Variants in CPNE4 observed in about 807,000 individuals in gnomAD.
CPNE4 encodes copine-4.
In CPNE4, 25 loss-of-function variants were observed where a neutral mutation model predicts 67.9. The observed-to-expected ratio is 0.37, with a 90% confidence interval of 0.27 to 0.51. CPNE4 has a LOEUF of 0.51. CPNE4 is among the 20% of genes least tolerant of loss of function. The probability of loss-of-function intolerance (pLI) is 0.93; values close to 1 mark genes in which losing one functional copy is unlikely to be tolerated. For synonymous variants in CPNE4, 242 were observed against 244.9 expected (o/e 0.99, Z 0.11); for missense variants, 464 against 690.8 (o/e 0.67, Z 3.68).
chr3:131,829,838 T>C (rs2085301940), intron 2 of CPNE4, among the ~76,000 whole-genome samples: 1 of 152,170 alleles, frequency 6.6e-6, no homozygotes, highest in Non-Finnish European at 1.5e-5. Flanking sequence ...ATCAGGACTG[T>C]TTACTAGCAG....
At chr3:131,665,700 AAG>A (rs1351857981) in intron 7 of CPNE4, among the ~76,000 whole-genome samples, 1 of 151,470 alleles carries the variant, frequency 6.6e-6, no homozygotes, top group African/African-American at 2.4e-5. Flanking sequence ...ACAGAAAGAA[AAG>A]AGAAAAAGAA....
intron 5 of CPNE4, among the ~76,000 whole-genome samples, chr3:131,693,578 C>G (rs1341268670): frequency 6.6e-6 from 1 of 152,204 alleles, no homozygotes; most frequent in East Asian, 1.9e-4. Flanking sequence ...CATCATGCAG[C>G]CTCTGGAAAA....
chr3:132,001,612 AAAG>A (rs1489053411), intron 1 of CPNE4, among the ~76,000 whole-genome samples: 2 of 146,460 alleles, frequency 1.4e-5, no homozygotes, highest in Non-Finnish European at 3.0e-5. Context: ...AGAAAGAAAG[AAAG>A]AAAATGAAGA....
At chr3:132,012,858 T>C (rs190086072) in intron 1 of CPNE4, among the ~76,000 whole-genome samples, 25 of 152,302 alleles carry the variant, frequency 1.6e-4, no homozygotes, top group Admixed American at 1.5e-3. Flanking sequence ...TGGTCTCCTT[T>C]ACATTTCTTC....
At chr3:131,974,208 T>A (rs1337642535) in intron 1 of CPNE4, among the ~76,000 whole-genome samples, 4 of 152,236 alleles carry the variant, frequency 2.6e-5, no homozygotes, top group Non-Finnish European at 2.9e-5. Context: ...CTTTTTTCTC[T>A]CCCTGGAAGA....
intron 1 of CPNE4, among the ~76,000 whole-genome samples, chr3:131,987,050 G>C (rs1009970815): frequency 6.6e-6 from 1 of 152,192 alleles, no homozygotes; most frequent in African/African-American, 2.4e-5. Context: ...GCAGCCAGCA[G>C]TGAGAATGAA....
intron 1 of CPNE4, among the ~76,000 whole-genome samples, chr3:131,941,647 A>G (rs2071392354): frequency 6.6e-6 from 1 of 152,142 alleles, no homozygotes; most frequent in African/African-American, 2.4e-5. Context: ...GTGATTCAAT[A>G]AAAGGCTAAA....
chr3:131,713,073 T>C (rs1583063457), intron 3 of CPNE4, among the ~76,000 whole-genome samples: 1 of 151,588 alleles, frequency 6.6e-6, no homozygotes, highest in Non-Finnish European at 1.5e-5. Context: ...GGGGGCTGGG[T>C]GCCCTGCACC....
intron 2 of CPNE4, among the ~76,000 whole-genome samples, chr3:131,851,753 C>T (rs2107645682): frequency 6.6e-6 from 1 of 152,182 alleles, no homozygotes; most frequent in East Asian, 1.9e-4. Context: ...GTTTCTATTC[C>T]TGGCTTTCCC....
chr3:131,648,966 C>T (rs372878668), intron 7 of CPNE4, among the ~76,000 whole-genome samples: 2 of 152,176 alleles, frequency 1.3e-5, no homozygotes, highest in African/African-American at 4.8e-5. Flanking sequence ...AAATGGCCTC[C>T]AGCAAGGCAA....
intron 2 of CPNE4, among the ~76,000 whole-genome samples, chr3:131,865,738 G>A (rs188242437): frequency 2.5e-4 from 38 of 152,328 alleles, no homozygotes; most frequent in Non-Finnish European, 5.0e-4. Context: ...AATTTAGCAC[G>A]TGTACAAGTT....
intron 7 of CPNE4, among the ~76,000 whole-genome samples, chr3:131,615,546 T>C (rs920759267): frequency 1.2e-4 from 18 of 151,820 alleles, no homozygotes; most frequent in Admixed American, 4.6e-4. Flanking sequence ...AATAATAGAG[T>C]GGTATAGAAT....
intron 7 of CPNE4, among the ~76,000 whole-genome samples, chr3:131,588,436 G>A (rs1938323019): frequency 6.6e-6 from 1 of 152,136 alleles, no homozygotes; most frequent in Admixed American, 6.6e-5. Context: ...AGATTTGCAG[G>A]AAAGAAGCTC....
chr3:131,942,746 G>A (rs1028197644), intron 1 of CPNE4, among the ~76,000 whole-genome samples: 3 of 151,956 alleles, frequency 2.0e-5, no homozygotes, highest in African/African-American at 7.3e-5. Flanking sequence ...TCCTCTCTTC[G>A]AATCCCTCTA....
At chr3:131,916,484 C>T (rs1199846143) in intron 1 of CPNE4, among the ~76,000 whole-genome samples, 1 of 152,100 alleles carries the variant, frequency 6.6e-6, no homozygotes, top group Non-Finnish European at 1.5e-5. Flanking sequence ...GTTCTGCTTC[C>T]ACTCTGTCTC....
chr3:131,858,554 G>T (rs1306330054), intron 2 of CPNE4, among the ~76,000 whole-genome samples: 1 of 152,030 alleles, frequency 6.6e-6, no homozygotes, highest in Non-Finnish European at 1.5e-5. Context: ...TGGCATGAAA[G>T]ATATCTTAGG....
rs771338820 is a variant in CPNE4, at chr3:131,813,073, CTTAA to C, written c.181-89452_181-89449del. 2.2e-4 allele frequency among the ~76,000 whole-genome samples: 33 copies of C among 152,196 alleles called. No individual in the cohort carries two copies. In the South Asian group the frequency reaches 4.8e-3, roughly 22 times the overall value. ...AGTTAAGAAAATTGTATTATATTGA[CTTAA>C]TTGTCTTTTCAACTATTTTTGACCT... On this transcript the variant is annotated intron_variant, in intron 2 of 15. Transcript: ENST00000429747.
chr3:131,762,609 C>T (rs1339464438), intron 2 of CPNE4, among the ~76,000 whole-genome samples: 1 of 151,928 alleles, frequency 6.6e-6, no homozygotes, highest in Non-Finnish European at 1.5e-5. Context: ...TTATATCTGA[C>T]TGAGCTGAAA....
intron 7 of CPNE4, among the ~76,000 whole-genome samples, chr3:131,634,847 G>A (rs1295248098): frequency 2.0e-5 from 3 of 152,104 alleles, no homozygotes; most frequent in South Asian, 2.1e-4. Flanking sequence ...AAAATGGGGG[G>A]ATTCAGTGTC....
Sources: allele counts gnomAD v4.1 joint callset (sites outside exome capture counted in the v4.1 genomes callset), GRCh38; gene constraint gnomAD v4.1.1; transcripts MANE v1.5; gene names NCBI Gene and HGNC (gene_info 2026-07-23, HGNC 2026-07-21).